CIT: variants seen among roughly 807,000 people sequenced by gnomAD.
CIT encodes citron rho-interacting serine/threonine kinase.
A neutral mutation model predicts 272.7 loss-of-function variants in CIT; 79 were observed. That is an observed-to-expected ratio of 0.29 (90% confidence interval 0.24 to 0.35). The LOEUF is 0.35. CIT is among the 10% of genes least tolerant of loss of function. The pLI, the probability that CIT is intolerant of heterozygous loss-of-function variation, is 1.00. For synonymous variants in CIT, 948 were observed against 995.6 expected, an observed-to-expected ratio of 0.95 and a Z score of 0.90; for missense variants, 1,909 against 2,618.3, an observed-to-expected ratio of 0.73 and a Z score of 5.91.
chr12:119,732,857 A>C (rs1958537465), intron 26 of CIT, among the ~76,000 whole-genome samples: 1 of 152,208 alleles, frequency 6.6e-6, no homozygotes, highest in African/African-American at 2.4e-5. Context: ...TTGATGAAAA[A>C]TGGATCCGAT....
chr12:119,770,720 AC>A lies in CIT; in HGVS notation c.2208+64del. The A allele has an allele frequency of 6.3e-7, 1 of 1,582,506 alleles. No individual in the cohort carries two copies. Among genetic ancestry groups the A allele is most frequent in the Non-Finnish European group, 8.6e-7 (1 of 1,156,560 alleles). ...ATTGTGGCGGTTAATTCTTCTTCTT[AC>A]CCCCTTCCCTTTGCAAACTCTAACC... On this transcript the variant is annotated intron_variant, in intron 18 of 47. Coordinates refer to ENST00000392521, the MANE Select transcript of CIT (RefSeq NM_001206999.2). This position sits in a 1 kb window ranked among gnomAD's most constrained non-coding sequence, Gnocchi z 4.4.
intron 24 of CIT, among the ~76,000 whole-genome samples, chr12:119,740,729 GTATGTAA>G (rs1330521900): frequency 6.6e-6 from 1 of 152,152 alleles, no homozygotes; most frequent in African/African-American, 2.4e-5. Flanking sequence ...TCACGCGCAT[GTATGTAA>G]TATAAGCAAA....
rs1446948661 is a variant in CIT, at chr12:119,734,180, T to C, written c.3334A>G (p.Thr1112Ala). The C allele has an allele frequency of 1.9e-6, 3 of 1,613,638 alleles. No homozygotes were observed. Among genetic ancestry groups the C allele is most frequent in the Non-Finnish European group, 2.5e-6 (3 of 1,179,956 alleles). The change falls in exon 26 of 48, where the codon ACC becomes GCC. Residue 1112 changes from threonine to alanine, a missense_variant. By Grantham distance (58) the Thr-to-Ala change is moderately conservative (BLOSUM62 0). This residue lies in a region of CIT where 530 missense variants were observed against 822.4 expected (regional missense o/e 0.64). Transcript: ENST00000392521. Reference protein sequence around the residue: ...RVRELQRMLDTEKQSRARADQ... With the variant: ...RVRELQRMLDAEKQSRARADQ... ...AAGCCCCACCTGCTCTGTTTCTCGG[T>C]GTCCAGCATTCTCTGCAGCTCTCGA...
intron 4 of CIT, among the ~76,000 whole-genome samples, chr12:119,854,435 C>T (rs1593964165): frequency 1.3e-5 from 2 of 150,474 alleles, no homozygotes; most frequent in Non-Finnish European, 3.0e-5. Context: ...GTCAGGAGTT[C>T]GAGACCAGCC....
chr12:119,822,689 T>C, intron 9 of CIT, 131 bp downstream of exon 9: 1 of 923,384 alleles, frequency 1.1e-6, no homozygotes, highest in Non-Finnish European at 1.6e-6. Flanking sequence ...TAGCCTTTAC[T>C]ACTCCTGTAG....
At chr12:119,742,649 A>G in intron 23 of CIT, 185 bp from the exon 24 acceptor site, 1 of 520,024 alleles carries the variant, frequency 1.9e-6, no homozygotes, top group Admixed American at 3.7e-5. Flanking sequence ...GGAATACACA[A>G]TGCTGTGTTA....
At position 119,728,442 on chromosome 12, in the gene CIT, A is replaced by G; in HGVS notation, c.3591+60T>C. ...AACCTAAAGCTGCTCCAAAAAAAAG[A>G]AGCCTATTAAAAGAAAAAAAAAATC... On this transcript the variant is annotated intron_variant, in intron 28 of 47. Transcript: ENST00000392521. This position sits in a 1 kb window ranked among gnomAD's most constrained non-coding sequence, Gnocchi z 4.3. The G allele has an allele frequency of 9.6e-7, 1 of 1,040,134 alleles. No homozygotes were observed. Among genetic ancestry groups the G allele is most frequent in the Non-Finnish European group, 1.5e-6 (1 of 686,502 alleles). 64.4% of individuals were successfully genotyped at this position (1,040,134 alleles called of 1,614,324 possible). A position where few individuals can be genotyped will look rare whatever the true frequency, so the allele number is the denominator to read the frequency against.
chr12:119,788,375 G>A lies in CIT; in HGVS notation c.1296-3310C>T, dbSNP rs779619769. Among the ~76,000 whole-genome samples, 27 of 152,240 alleles carry A rather than the reference G, an allele frequency of 1.8e-4. 1 individual carries two copies. Among genetic ancestry groups the A allele is most frequent in the Admixed American group, 7.2e-4 (11 of 15,268 alleles). ...AGAGAACAAGACCCAAACCACCCAC[G>A]GAGAGAGTGGTGATCCACAGACTGG... On this transcript the variant is annotated intron_variant, in intron 10 of 47. Coordinates refer to ENST00000392521, the MANE Select transcript of CIT (RefSeq NM_001206999.2).
chr12:119,739,409 ACTCCC>A (rs1301381689), intron 24 of CIT, among the ~76,000 whole-genome samples: 1 of 151,988 alleles, frequency 6.6e-6, no homozygotes, highest in African/African-American at 2.4e-5. Flanking sequence ...AGTTGTGGGA[ACTCCC>A]ATAATAACTC....
intron 9 of CIT, among the ~76,000 whole-genome samples, chr12:119,815,574 C>T (rs1451738507): frequency 6.6e-6 from 1 of 151,890 alleles, no homozygotes; most frequent in African/African-American, 2.4e-5. Context: ...AGCATAGTGG[C>T]GCATGCCTGT....
chr12:119,724,189 T>C (rs1324781763), intron 28 of CIT, among the ~76,000 whole-genome samples: 4 of 152,080 alleles, frequency 2.6e-5, no homozygotes, highest in Admixed American at 2.6e-4. Context: ...TAGTTGACTG[T>C]CACAGAGATA....
chr12:119,686,813 C>G lies in CIT; in HGVS notation c.*1419G>C, dbSNP rs1436471025. ...AATTTCGTACTCTAATAGGAGGGTCCGCAGACCCAGTGGGAGCCGCACTGC... is the reference window on the plus strand; with the variant it reads ...AATTTCGTACTCTAATAGGAGGGTCGGCAGACCCAGTGGGAGCCGCACTGC... On this transcript the variant is annotated 3_prime_UTR_variant, in exon 48 of 48. Transcript: ENST00000392521. 6.6e-6 allele frequency: 1 copy of G among 152,618 alleles called. No individual in the cohort carries two copies. Among genetic ancestry groups the G allele is most frequent in the Admixed American group, 6.5e-5 (1 of 15,286 alleles). 9.5% of individuals were successfully genotyped at this position (152,618 alleles called of 1,614,324 possible).
chr12:119,862,830 A>G (rs1213044067), intron 3 of CIT, among the ~76,000 whole-genome samples: 3 of 137,800 alleles, frequency 2.2e-5, no homozygotes, highest in African/African-American at 8.9e-5. Context: ...AAAAAAAAAA[A>G]AAAAAAAAAA....
At chr12:119,819,793 TTA>T (rs1967527178) in intron 9 of CIT, among the ~76,000 whole-genome samples, 1 of 152,212 alleles carries the variant, frequency 6.6e-6, no homozygotes, top group African/African-American at 2.4e-5. Context: ...AAAGCATAAT[TTA>T]TGTTACAGTT....
intron 23 of CIT, among the ~76,000 whole-genome samples, chr12:119,748,174 G>GAA (rs902921262): frequency 1.3e-5 from 2 of 151,648 alleles, no homozygotes; most frequent in South Asian, 4.2e-4. Context: ...CAAAAAAAAG[G>GAA]AAAAAAAACC....
Position 119,850,205 on chromosome 12 carries a change from T to C in CIT, c.485A>G (p.Tyr162Cys). 3 of 1,612,750 alleles carry C rather than the reference T, an allele frequency of 1.9e-6. No homozygotes were observed. Among genetic ancestry groups the C allele is most frequent in the South Asian group, 1.1e-5 (1 of 91,064 alleles). ...AAGGTGATTTTTGTCCTGAAAGGCA[T>C]ACTGTAATTGGGGGATCCACGGGCT... ...STSPWIPQLQ[Y>C]AFQDKNHLYL... Residue 162 changes from tyrosine to cysteine, a missense_variant, in exon 5 of 48, where the codon TAT becomes TGT. By Grantham distance (194) the Tyr-to-Cys change is radical. Around this residue, in one of 8 missense-constraint regions of CIT, gnomAD observed 529 missense variants for 549.6 expected, o/e 0.96. Coordinates refer to ENST00000392521, the MANE Select transcript of CIT (RefSeq NM_001206999.2).
chr12:119,723,513 T>C (rs1363156662), intron 28 of CIT, among the ~76,000 whole-genome samples: 1 of 152,120 alleles, frequency 6.6e-6, no homozygotes, highest in Non-Finnish European at 1.5e-5. Context: ...GGGCCAGTGT[T>C]AGGCTGAAAG....
intron 9 of CIT, among the ~76,000 whole-genome samples, chr12:119,819,922 G>T (rs1967538588): frequency 6.6e-6 from 1 of 152,186 alleles, no homozygotes; most frequent in Non-Finnish European, 1.5e-5. Context: ...AGGAAAATTT[G>T]CTAGGAGACA....
At chr12:119,719,093 G>A (rs1957700532) in intron 30 of CIT, 1 of 484,032 alleles carries the variant, frequency 2.1e-6, no homozygotes, top group Admixed American at 3.3e-5. Flanking sequence ...GATTAAAGAT[G>A]CTTGAATGGC....
Sources: allele counts gnomAD v4.1 joint callset (sites outside exome capture counted in the v4.1 genomes callset), GRCh38; gene constraint gnomAD v4.1.1; regional missense constraint gnomAD v4.1.1; non-coding constraint Gnocchi (gnomAD v3.1); transcripts MANE v1.5; gene names NCBI Gene and HGNC (gene_info 2026-07-23, HGNC 2026-07-21).